EML5: variants seen among roughly 807,000 people sequenced by gnomAD.
EML5 encodes EMAP like 5, also known as echinoderm microtubule-associated protein-like 5.
A neutral mutation model predicts 250.0 loss-of-function variants in EML5; 120 were observed. The observed-to-expected ratio is 0.48, with a 90% CI of 0.41 to 0.56. The LOEUF (loss-of-function observed/expected upper bound fraction) is 0.56, where lower values mean the gene tolerates loss of function less well. EML5 is among the 20% of genes least tolerant of loss of function. The pLI is 0.00. For synonymous variants in EML5, 771 were observed against 806.5 expected, an observed-to-expected ratio of 0.96 and a Z score of 0.75; for missense variants, 2,006 against 2,437.6, an observed-to-expected ratio of 0.82 and a Z score of 3.73.
intron 21 of EML5, among the ~76,000 whole-genome samples, chr14:88,680,514 T>C (rs1229008029): frequency 1.3e-5 from 2 of 151,876 alleles, no homozygotes; most frequent in African/African-American, 4.8e-5. Flanking sequence ...GTTAAATAAA[T>C]TTTCAGTGGT....
rs560795607 is a variant in EML5, at chr14:88,731,772, G to C, written c.1049+4592C>G. ...TAATGATCACCATTCTAACTGGTGT[G>C]AGATGGTACCTCATTGTGGTTTTGA... On this transcript the variant is annotated intron_variant, in intron 7 of 43. Coordinates refer to ENST00000554922, the MANE Select transcript of EML5 (RefSeq NM_183387.3). 1.1e-3 allele frequency among the ~76,000 whole-genome samples: 168 copies of C among 152,332 alleles called. 1 individual carries two copies. Among genetic ancestry groups the C allele is most frequent in the Middle Eastern group, 3.4e-3 (1 of 294 alleles).
intron 1 of EML5, among the ~76,000 whole-genome samples, chr14:88,788,650 T>G (rs549728932): frequency 6.6e-6 from 1 of 152,266 alleles, no homozygotes; most frequent in South Asian, 2.1e-4. Context: ...TTAATTATAT[T>G]CCATCAATGG....
chr14:88,685,442 C>T (rs527724326), intron 19 of EML5, among the ~76,000 whole-genome samples: 1 of 152,252 alleles, frequency 6.6e-6, no homozygotes, highest in South Asian at 2.1e-4. Context: ...TCCTGCCCCT[C>T]TTATTTACAA....
At position 88,613,306 on chromosome 14, in the gene EML5, T is replaced by C. The variant is rs967682308; in HGVS notation, c.*2512A>G. On this transcript the variant is annotated 3_prime_UTR_variant, in exon 44 of 44. Coordinates refer to ENST00000554922, the MANE Select transcript of EML5 (RefSeq NM_183387.3). The stretch of plus-strand genomic sequence containing the variant: ...GTTTACTCCATTGAATTTAAGGCAT[T>C]TGTTCATTCCAGTGTTGAGATGCTT... The C allele has an allele frequency of 2.0e-5, 3 of 152,200 alleles. No homozygotes were observed. Among genetic ancestry groups the C allele is most frequent in the Non-Finnish European group, 2.9e-5 (2 of 68,032 alleles). The allele number at this position is 152,200 out of a possible 1,614,324, so 9.4% of individuals were successfully genotyped here.
At position 88,700,140 on chromosome 14, in the gene EML5, T is replaced by C. The variant is rs536486226; in HGVS notation, c.2238+2306A>G. On this transcript the variant is annotated intron_variant, in intron 14 of 43. Coordinates refer to ENST00000554922, the MANE Select transcript of EML5 (RefSeq NM_183387.3). ...AGTATTTGCTGAATTAAACAAAATT[T>C]CCAAATTATAGTACAATTAGTCATG... Among the ~76,000 whole-genome samples the C allele has an allele frequency of 3.9e-5, 6 of 152,320 alleles. No homozygotes were observed. The South Asian group carries it at 8.3e-4, about 21-fold the overall frequency.
chr14:88,791,981 G>A (rs2094613550), intron 1 of EML5, among the ~76,000 whole-genome samples: 1 of 152,146 alleles, frequency 6.6e-6, no homozygotes, highest in Non-Finnish European at 1.5e-5. Flanking sequence ...AGGATCTAAC[G>A]GAATAAAGTG....
chr14:88,669,901 C>T (rs2092411423), intron 21 of EML5, among the ~76,000 whole-genome samples: 1 of 152,124 alleles, frequency 6.6e-6, no homozygotes, highest in Non-Finnish European at 1.5e-5. Context: ...AGGCAGCTAC[C>T]TTTACTGTTT....
At chr14:88,664,949 C>T (rs1004816217) in intron 22 of EML5, among the ~76,000 whole-genome samples, 2 of 152,028 alleles carry the variant, frequency 1.3e-5, no homozygotes, top group Admixed American at 6.6e-5. Flanking sequence ...TAAATTTTGC[C>T]TTAACATTAG....
intron 16 of EML5, among the ~76,000 whole-genome samples, chr14:88,694,918 TA>T (rs1166269157): frequency 2.0e-5 from 3 of 152,060 alleles, no homozygotes; most frequent in East Asian, 3.8e-4. Context: ...AATATTACTA[TA>T]AAAAATACAT....
rs1254071247 is a variant in EML5, at chr14:88,705,607, A to G, written c.1826-19T>C. ...AGACTTTCTGTAATTTTTAAAAATG[A>G]AATGTTACTTGTTTAAAGAAGATTC... On this transcript the variant is annotated intron_variant, in intron 11 of 43. Coordinates refer to ENST00000554922, the MANE Select transcript of EML5 (RefSeq NM_183387.3). The G allele has an allele frequency of 4.0e-6, 6 of 1,517,206 alleles. No individual in the cohort carries two copies. The African/African-American group carries it at 8.3e-5, about 21-fold the overall frequency. The allele number at this position is 1,517,206 out of a possible 1,614,324, so 94.0% of individuals were successfully genotyped here.
chr14:88,712,232 T>A, intron 10 of EML5, 39 bp downstream of exon 10: 1 of 1,413,062 alleles, frequency 7.1e-7, no homozygotes, highest in Non-Finnish European at 9.9e-7. Context: ...AAGTCTTCTG[T>A]GAGAGAGAGG....
Position 88,626,873 on chromosome 14 carries a change from G to C in EML5, c.4705C>G (p.Arg1569Gly). 6.2e-7 allele frequency: 1 copy of C among 1,613,866 alleles called. No individual in the cohort carries two copies. ...GCAATAGCGAGCATGGTCTGCATCC[G>C]GGCATCTTCCAGTGTGCTCAGTAGC... ...KGLLSTLEDA[R>G]MQTMLAIAFG... is the part of the protein sequence containing the mutation. The change falls in exon 35 of 44, where the codon CGG (arginine) becomes GGG (glycine). Residue 1569 changes from arginine (R) to glycine (G), a missense_variant. Around this residue, in one of 7 missense-constraint regions of EML5, gnomAD observed 405 missense variants for 523.3 expected, o/e 0.77. Coordinates refer to ENST00000554922, the MANE Select transcript of EML5 (RefSeq NM_183387.3).
In EML5 at chr14:88,720,147, T is replaced by C. The variant is rs201558061; in HGVS notation, c.1188-4952A>G. Among the ~76,000 whole-genome samples, 73 of 152,170 alleles carry C rather than the reference T, an allele frequency of 4.8e-4. 2 individuals are homozygous for C. The South Asian group carries it at 5.0e-3, about 10-fold the overall frequency. On this transcript the variant is annotated intron_variant, in intron 8 of 43. Transcript: ENST00000554922. ...GTTCTAAAATTGAGGCAGTAATAAA[T>C]AGCCTACCAACCAAAAAAGGCTCAT...
rs1477800852 is a variant in EML5, at chr14:88,613,305, T to C, written c.*2513A>G. ...GGTTTACTCCATTGAATTTAAGGCA[T>C]TTGTTCATTCCAGTGTTGAGATGCT... On this transcript the variant is annotated 3_prime_UTR_variant, in exon 44 of 44. Transcript: ENST00000554922. The C allele has an allele frequency of 1.3e-5, 2 of 152,174 alleles. No individual in the cohort carries two copies. The highest frequency in any genetic ancestry group is 2.9e-5 in the Non-Finnish European group (2 of 68,030). The allele number at this position is 152,174 out of a possible 1,614,324, so 9.4% of individuals were successfully genotyped here.
chr14:88,743,943 G>T, intron 4 of EML5, 80 bp downstream of exon 4: 2 of 876,098 alleles, frequency 2.3e-6, no homozygotes, highest in Non-Finnish European at 3.2e-6. Flanking sequence ...CTGAAAGTAG[G>T]CTAAATTGTT....
In EML5 at chr14:88,681,961, T is replaced by C; in HGVS notation, c.3053A>G (p.Asp1018Gly). 2 of 1,613,740 alleles carry C rather than the reference T, an allele frequency of 1.2e-6. No homozygotes were observed. Among genetic ancestry groups the C allele is most frequent in the Non-Finnish European group, 1.7e-6 (2 of 1,179,810 alleles). The change falls in exon 21 of 44, where the codon GAT (aspartate) becomes GGT (glycine). Residue 1018 changes from aspartate (D) to glycine (G), a missense_variant. Asp to Gly is a moderately conservative substitution (Grantham distance 94). Transcript: ENST00000554922. Reference sequence around the variant, plus strand: ...ATCCCATATTCTTAAGGTTTTATCATCGCTTACAGTAGCACAGATGGGCAG... The same window carrying C: ...ATCCCATATTCTTAAGGTTTTATCACCGCTTACAGTAGCACAGATGGGCAG... ...PYLPICATVS[D>G]DKTLRIWDLS...
intron 2 of EML5, among the ~76,000 whole-genome samples, chr14:88,747,208 T>C (rs1210358827): frequency 6.6e-6 from 1 of 151,884 alleles, no homozygotes; most frequent in African/African-American, 2.4e-5. Flanking sequence ...GGCCAGGAGA[T>C]TGAGACCAGC....
chr14:88,744,141 T>G, intron 3 of EML5, 50 bp from the exon 4 acceptor site: 1 of 1,371,206 alleles, frequency 7.3e-7, no homozygotes, highest in South Asian at 1.5e-5. Context: ...CAGAATCATT[T>G]AAAAATCCTG....
At chr14:88,769,360 C>T (rs1007899065) in intron 1 of EML5, among the ~76,000 whole-genome samples, 1 of 152,162 alleles carries the variant, frequency 6.6e-6, no homozygotes, top group African/African-American at 2.4e-5. Context: ...TCCCCTTTGC[C>T]TTCTGCCATG....
Sources: allele counts gnomAD v4.1 joint callset (sites outside exome capture counted in the v4.1 genomes callset), GRCh38; gene constraint gnomAD v4.1.1; regional missense constraint gnomAD v4.1.1; transcripts MANE v1.5; gene names NCBI Gene and HGNC (gene_info 2026-07-23, HGNC 2026-07-21).